DPYD: variants seen among roughly 807,000 people sequenced by gnomAD.
DPYD encodes dihydropyrimidine dehydrogenase [NADP(+)].
DPYD carries 109 observed loss-of-function variants against 116.2 expected under a neutral mutation model. The observed-to-expected ratio is 0.94, with a 90% CI of 0.80 to 1.10. The LOEUF is 1.10. DPYD is among the 50% of genes least tolerant of loss of function. The probability of loss-of-function intolerance (pLI) is 0.00; values close to 1 mark genes in which losing one functional copy is unlikely to be tolerated. For missense variants in DPYD, 1,302 were observed against 1,254.5 expected (o/e 1.04, Z -0.57); for synonymous variants, 440 against 432.0 (o/e 1.02, Z -0.23).
At chr1:97,425,142 T>C (rs889659227) in intron 14 of DPYD, among the ~76,000 whole-genome samples, 1 of 152,068 alleles carries the variant, frequency 6.6e-6, no homozygotes, top group Non-Finnish European at 1.5e-5. Context: ...ATGATAAATA[T>C]GTGTGCTTCT....
chr1:97,311,621 G>A (rs1667525304), intron 16 of DPYD, among the ~76,000 whole-genome samples: 1 of 151,648 alleles, frequency 6.6e-6, no homozygotes, highest in African/African-American at 2.4e-5. Context: ...TCCTTTTAAA[G>A]ATGCAAACTC....
chr1:97,154,514 T>C (rs1371515019), intron 20 of DPYD, among the ~76,000 whole-genome samples: 1 of 151,576 alleles, frequency 6.6e-6, no homozygotes, highest in Non-Finnish European at 1.5e-5. Flanking sequence ...CCCAGCACTT[T>C]GGGAGGTTGA....
chr1:97,708,781 C>T (rs958518792), intron 5 of DPYD, among the ~76,000 whole-genome samples: 1 of 151,880 alleles, frequency 6.6e-6, no homozygotes, highest in Non-Finnish European at 1.5e-5. Flanking sequence ...CGGAATATGT[C>T]TCTATTTATT....
At chr1:97,446,163 C>T (rs529499501) in intron 14 of DPYD, among the ~76,000 whole-genome samples, 3 of 152,200 alleles carry the variant, frequency 2.0e-5, no homozygotes, top group African/African-American at 4.8e-5. Context: ...ATACTCACCA[C>T]GACATCAAAA....
At chr1:97,700,289 A>G (rs1333242329) in intron 5 of DPYD, 1 of 455,976 alleles carries the variant, frequency 2.2e-6, no homozygotes, top group South Asian at 1.5e-5. Context: ...TTGGAAATGT[A>G]GGAGGCCATT....
At chr1:97,467,921 C>A (rs1445680791) in intron 13 of DPYD, among the ~76,000 whole-genome samples, 4 of 152,170 alleles carry the variant, frequency 2.6e-5, no homozygotes, top group Admixed American at 2.0e-4. Flanking sequence ...AGAAAAGAAG[C>A]TATTTAGTTT....
Position 97,635,736 on chromosome 1 carries a change from C to G in DPYD, c.851-40570G>C, listed in dbSNP as rs573511405. 2.0e-5 allele frequency among the ~76,000 whole-genome samples: 3 copies of G among 152,284 alleles called. No homozygotes were observed. The East Asian group carries it at 5.8e-4, about 29-fold the overall frequency. ...GGAAAGATACTGACATTCTCATTAACTCAACTCATTATGTCTAAAGTTGAA... is the reference window on the plus strand; with the variant it reads ...GGAAAGATACTGACATTCTCATTAAGTCAACTCATTATGTCTAAAGTTGAA... On this transcript the variant is annotated intron_variant, in intron 8 of 22. Transcript: ENST00000370192.
intron 21 of DPYD, among the ~76,000 whole-genome samples, chr1:97,092,415 C>T (rs528104014): frequency 1.7e-4 from 26 of 152,270 alleles, no homozygotes; most frequent in East Asian, 9.6e-4. Context: ...GTAAAACAAT[C>T]GGTGCTTTCT....
intron 16 of DPYD, among the ~76,000 whole-genome samples, chr1:97,333,222 T>C (rs997676040): frequency 4.0e-5 from 6 of 151,726 alleles, no homozygotes; most frequent in African/African-American, 1.5e-4. Context: ...CATGCCTGGC[T>C]AATTTTTTGT....
chr1:97,288,602 A>T (rs1336140242), intron 18 of DPYD, among the ~76,000 whole-genome samples: 1 of 151,262 alleles, frequency 6.6e-6, no homozygotes, highest in East Asian at 1.9e-4. Flanking sequence ...TACATAATGA[A>T]ATGAAGGCAG....
At chr1:97,726,992 AC>A (rs974091585) in intron 4 of DPYD, among the ~76,000 whole-genome samples, 2 of 151,722 alleles carry the variant, frequency 1.3e-5, no homozygotes, top group Non-Finnish European at 3.0e-5. Flanking sequence ...TCTAAGTAAA[AC>A]CCTTTCACTA....
At chr1:97,309,005 A>T (rs1667326967) in intron 16 of DPYD, among the ~76,000 whole-genome samples, 1 of 151,846 alleles carries the variant, frequency 6.6e-6, no homozygotes, top group Non-Finnish European at 1.5e-5. Flanking sequence ...AATGAGTGAA[A>T]ACTTGGCAAC....
intron 8 of DPYD, among the ~76,000 whole-genome samples, chr1:97,647,017 C>T (rs1402491120): frequency 6.6e-6 from 1 of 152,054 alleles, no homozygotes; most frequent in Non-Finnish European, 1.5e-5. Context: ...GATACCATTC[C>T]TGGGTTTCCC....
chr1:97,337,853 A>T (rs1669381289), intron 16 of DPYD, among the ~76,000 whole-genome samples: 1 of 152,184 alleles, frequency 6.6e-6, no homozygotes, highest in Non-Finnish European at 1.5e-5. Context: ...GGCAAGGGTT[A>T]TTCCCCGGCA....
At chr1:97,832,391 G>T (rs1394584465) in intron 2 of DPYD, among the ~76,000 whole-genome samples, 3 of 152,036 alleles carry the variant, frequency 2.0e-5, no homozygotes, top group Admixed American at 6.6e-5. Flanking sequence ...CTTCCTCTAG[G>T]TGTCATCAAA....
In DPYD at chr1:97,679,170, T is replaced by C. The variant is rs45589337; in HGVS notation, c.775A>G (p.Lys259Glu). ...KDLGVKIICG[K>E]SLSVNEMTLS... ...GTCATTTCATTCACTGAAAGGCTTTTACCGCAAATTATCTATAAGAAACAA... is the reference window on the plus strand; with the variant it reads ...GTCATTTCATTCACTGAAAGGCTTTCACCGCAAATTATCTATAAGAAACAA... The change falls in exon 8 of 23, where the codon AAA (lysine) becomes GAA (glutamate). Residue 259 changes from lysine to glutamate, a missense_variant. Physicochemically the swap from Lys to Glu is moderately conservative, Grantham distance 56 (BLOSUM62 1). Transcript: ENST00000370192. 6.7e-3 allele frequency: 10,403 copies of C among 1,564,148 alleles called. 45 individuals are homozygous for C. The highest frequency in any genetic ancestry group is 7.2e-3 in the Non-Finnish European group (8,255 of 1,145,454).
chr1:97,757,724 A>G (rs1665327369), intron 3 of DPYD, among the ~76,000 whole-genome samples: 1 of 152,172 alleles, frequency 6.6e-6, no homozygotes. Context: ...ATAATTCAGT[A>G]TTAAATACAG....
chr1:97,890,638 T>C (rs1383433220), intron 1 of DPYD, among the ~76,000 whole-genome samples: 3 of 151,974 alleles, frequency 2.0e-5, no homozygotes, highest in Non-Finnish European at 4.4e-5. Context: ...TGTTTGCTTA[T>C]CTATTCAGTT....
rs1013629188 is a variant in DPYD, at chr1:97,146,272, T to C, written c.2622+46797A>G. On this transcript the variant is annotated intron_variant, in intron 20 of 22. Coordinates refer to ENST00000370192, the MANE Select transcript of DPYD (RefSeq NM_000110.4). The stretch of plus-strand genomic sequence containing the variant: ...TAGAGAGAGTATTTTCACTTGCCCA[T>C]AAAAATGGTCCTTAGGGAGAGTGAC... 4.5e-4 allele frequency among the ~76,000 whole-genome samples: 69 copies of C among 152,298 alleles called. 1 individual carries two copies. The highest frequency in any genetic ancestry group is 1.6e-3 in the African/African-American group (66 of 41,576).
Sources: allele counts gnomAD v4.1 joint callset (sites outside exome capture counted in the v4.1 genomes callset), GRCh38; gene constraint gnomAD v4.1.1; transcripts MANE v1.5; gene names NCBI Gene and HGNC (gene_info 2026-07-23, HGNC 2026-07-21).